Variants in GRIK3 observed in about 807,000 individuals in gnomAD.
The protein encoded by GRIK3 is glutamate receptor ionotropic, kainate 3.
Under a neutral mutation model 102.5 loss-of-function variants are expected in GRIK3, and 29 were observed. The observed-to-expected ratio is 0.28, with a 90% CI of 0.21 to 0.39. The LOEUF is 0.39. Among genes scored for constraint, GRIK3 ranks in the 10% least tolerant of loss-of-function variants. The pLI is 1.00. For synonymous variants in GRIK3, 511 were observed against 504.9 expected (o/e 1.01, Z -0.16); for missense variants, 908 against 1,252.4 (o/e 0.73, Z 4.15).
intron 9 of GRIK3, among the ~76,000 whole-genome samples, chr1:36,845,815 C>G (rs1431515072): frequency 6.6e-6 from 1 of 152,200 alleles, no homozygotes; most frequent in African/African-American, 2.4e-5. Context: ...TCGTTCCCAG[C>G]CTGGGATAGT....
chr1:37,034,354 G>A lies in GRIK3; in HGVS notation c.-246C>T, dbSNP rs569626010. On this transcript the variant is annotated 5_prime_UTR_variant, in exon 1 of 16. Coordinates refer to ENST00000373091, the MANE Select transcript of GRIK3 (RefSeq NM_000831.4). The stretch of plus-strand genomic sequence containing the variant: ...CCCGCGAGCGAGGCTCCTGGGCTCC[G>A]CCCGGACTCCGCTCGGACTCGGCTC... 4.1e-4 allele frequency among the ~76,000 whole-genome samples: 62 copies of A among 150,514 alleles called. No individual in the cohort carries two copies. In the South Asian group the frequency reaches 0.011, roughly 27 times the overall value.
At chr1:36,933,137 C>G (rs1641615137) in intron 1 of GRIK3, among the ~76,000 whole-genome samples, 1 of 152,136 alleles carries the variant, frequency 6.6e-6, no homozygotes, top group Non-Finnish European at 1.5e-5. Flanking sequence ...TGTCACTGAG[C>G]AAGCTGAACT....
At chr1:36,855,138 A>C (rs1015728263) in intron 7 of GRIK3, among the ~76,000 whole-genome samples, 1 of 152,138 alleles carries the variant, frequency 6.6e-6, no homozygotes, top group African/African-American at 2.4e-5. Context: ...ACACAGCCAG[A>C]TTGGGCCAGA....
chr1:36,961,166 C>CGTGCACACACGTGCCCACCT lies in GRIK3; in HGVS notation c.116-70090_116-70071dup, dbSNP rs1642004554. On this transcript the variant is annotated intron_variant, in intron 1 of 15. Coordinates refer to ENST00000373091, the MANE Select transcript of GRIK3 (RefSeq NM_000831.4). The stretch of plus-strand genomic sequence containing the variant: ...GAGGTAGGCTCCATGCAACACACTG[C>CGTGCACACACGTGCCCACCT]GTGCACACACGTGCCCACCTGTGCA... 2.0e-5 allele frequency among the ~76,000 whole-genome samples: 3 copies of CGTGCACACACGTGCCCACCT among 152,230 alleles called. No homozygotes were observed. In the South Asian group the frequency reaches 6.2e-4, roughly 31 times the overall value.
intron 13 of GRIK3, among the ~76,000 whole-genome samples, chr1:36,808,709 G>A (rs1231358491): frequency 6.6e-6 from 1 of 152,198 alleles, no homozygotes; most frequent in African/African-American, 2.4e-5. Flanking sequence ...AGGACTCAGC[G>A]AAACTGCCTA....
At chr1:36,900,308 C>T (rs1010973407) in intron 1 of GRIK3, among the ~76,000 whole-genome samples, 2 of 152,050 alleles carry the variant, frequency 1.3e-5, no homozygotes, top group Non-Finnish European at 2.9e-5. Context: ...TCCTGCTCCT[C>T]CTCCTCCTCT....
intron 15 of GRIK3, among the ~76,000 whole-genome samples, chr1:36,803,524 G>C (rs959839632): frequency 1.3e-5 from 2 of 152,116 alleles, no homozygotes; most frequent in African/African-American, 4.8e-5. Flanking sequence ...TCCACCTCCT[G>C]GGTTCAAGTG....
At chr1:36,951,753 AAGG>A (rs908795525) in intron 1 of GRIK3, among the ~76,000 whole-genome samples, 5 of 151,920 alleles carry the variant, frequency 3.3e-5, no homozygotes, top group Non-Finnish European at 5.9e-5. Flanking sequence ...GGGGAGGGAG[AAGG>A]AGAAGAGGAT....
chr1:36,964,977 T>C (rs1383679731), intron 1 of GRIK3, among the ~76,000 whole-genome samples: 1 of 152,160 alleles, frequency 6.6e-6, no homozygotes, highest in Non-Finnish European at 1.5e-5. Flanking sequence ...ATAAGACAAA[T>C]GTTTGTTGAT....
At chr1:36,911,266 G>A (rs1641343030) in intron 1 of GRIK3, among the ~76,000 whole-genome samples, 4 of 152,156 alleles carry the variant, frequency 2.6e-5, no homozygotes, top group Admixed American at 2.6e-4. Context: ...ATGAGGTTCA[G>A]CTAAGCATGT....
At chr1:36,836,940 C>T (rs1369892851) in intron 10 of GRIK3, among the ~76,000 whole-genome samples, 4 of 152,160 alleles carry the variant, frequency 2.6e-5, no homozygotes, top group South Asian at 4.1e-4. Context: ...CTCGTGGATG[C>T]TCATTCCTCA....
At chr1:37,026,143 C>T (rs1387385181) in intron 1 of GRIK3, among the ~76,000 whole-genome samples, 1 of 152,220 alleles carries the variant, frequency 6.6e-6, no homozygotes, top group Non-Finnish European at 1.5e-5. Flanking sequence ...CCCTTAAGAA[C>T]ATCCCATAAC....
chr1:37,019,623 C>G, intron 1 of GRIK3, among the ~76,000 whole-genome samples: 1 of 152,140 alleles, frequency 6.6e-6, no homozygotes, highest in Non-Finnish European at 1.5e-5. Flanking sequence ...CTGGAGCCCC[C>G]GCAAATCCCC....
At chr1:36,912,342 G>A (rs1331889645) in intron 1 of GRIK3, among the ~76,000 whole-genome samples, 3 of 152,128 alleles carry the variant, frequency 2.0e-5, no homozygotes, top group South Asian at 2.1e-4. Context: ...GTGGATAAAC[G>A]TCCAGCTTCC....
intron 10 of GRIK3, among the ~76,000 whole-genome samples, chr1:36,830,305 G>T (rs1384217373): frequency 6.6e-6 from 1 of 151,888 alleles, no homozygotes; most frequent in Non-Finnish European, 1.5e-5. Flanking sequence ...TGATCTCAAA[G>T]CCCAACATTT....
chr1:36,933,814 G>T (rs1641623273), intron 1 of GRIK3, among the ~76,000 whole-genome samples: 1 of 152,200 alleles, frequency 6.6e-6, no homozygotes, highest in Admixed American at 6.5e-5. Flanking sequence ...CTTCAGCTGG[G>T]TAGACCAGGT....
intron 1 of GRIK3, among the ~76,000 whole-genome samples, chr1:36,932,387 G>C (rs1641600544): frequency 6.6e-6 from 1 of 152,194 alleles, no homozygotes; most frequent in South Asian, 2.1e-4. Context: ...CGTGGGACTT[G>C]GATGTGCCAC....
intron 1 of GRIK3, among the ~76,000 whole-genome samples, chr1:36,907,330 A>C (rs569235867): frequency 6.6e-6 from 1 of 152,352 alleles, no homozygotes; most frequent in East Asian, 1.9e-4. Context: ...AGTGGACCCC[A>C]AAGGACAGAA....
At chr1:36,997,975 G>A (rs1036067062) in intron 1 of GRIK3, among the ~76,000 whole-genome samples, 1 of 152,180 alleles carries the variant, frequency 6.6e-6, no homozygotes, top group African/African-American at 2.4e-5. Flanking sequence ...TTAATCCAGG[G>A]TCCAGGGTCT....
Sources: allele counts gnomAD v4.1 joint callset (sites outside exome capture counted in the v4.1 genomes callset), GRCh38; gene constraint gnomAD v4.1.1; transcripts MANE v1.5; gene names NCBI Gene and HGNC (gene_info 2026-07-23, HGNC 2026-07-21).